KCNIP4: variants seen among roughly 807,000 people sequenced by gnomAD.
KCNIP4 encodes Kv channel-interacting protein 4.
In KCNIP4, 12 loss-of-function variants were observed where a neutral mutation model predicts 34.0. The ratio of observed to expected loss-of-function variants is 0.35; its 90% CI spans 0.23 to 0.57. The LOEUF (loss-of-function observed/expected upper bound fraction) is 0.57. KCNIP4 is among the 20% of genes least tolerant of loss of function. KCNIP4 has a pLI of 0.83. For synonymous variants in KCNIP4, 124 were observed against 102.2 expected (o/e 1.21, Z -1.29); for missense variants, 238 against 311.7 (o/e 0.76, Z 1.78).
intron 1 of KCNIP4, among the ~76,000 whole-genome samples, chr4:21,244,592 C>T (rs1004613011): frequency 6.6e-6 from 1 of 152,038 alleles, no homozygotes. Context: ...AAATGTCTTC[C>T]CAGTTGAATT....
intron 1 of KCNIP4, among the ~76,000 whole-genome samples, chr4:21,310,791 G>A (rs566973426): frequency 3.3e-5 from 5 of 151,886 alleles, no homozygotes; most frequent in Admixed American, 2.0e-4. Flanking sequence ...GCACGACGTC[G>A]GCTAATTTTT....
chr4:21,215,486 C>T (rs150812280), intron 1 of KCNIP4, among the ~76,000 whole-genome samples: 270 of 152,304 alleles, frequency 1.8e-3, no homozygotes, highest in African/African-American at 6.3e-3. Context: ...GCAAACATCA[C>T]TTTCTCAGAA....
At chr4:21,917,610 C>T (rs956958754) in intron 1 of KCNIP4, among the ~76,000 whole-genome samples, 1 of 149,666 alleles carries the variant, frequency 6.7e-6, no homozygotes, top group South Asian at 2.2e-4. Context: ...AAACCCTGGA[C>T]TGTCTAATCC....
At chr4:21,928,622 A>G (rs895741970) in intron 1 of KCNIP4, among the ~76,000 whole-genome samples, 2 of 152,128 alleles carry the variant, frequency 1.3e-5, no homozygotes, top group Non-Finnish European at 2.9e-5. Context: ...ATAAAGCCCA[A>G]ATGAAGAGAG....
intron 1 of KCNIP4, among the ~76,000 whole-genome samples, chr4:21,262,933 G>C (rs549782827): frequency 6.6e-5 from 10 of 152,190 alleles, no homozygotes; most frequent in Non-Finnish European, 1.0e-4. Context: ...CTAGCACACT[G>C]TTTGGACATA....
At chr4:21,824,286 C>A (rs1244046190) in intron 1 of KCNIP4, among the ~76,000 whole-genome samples, 3 of 152,230 alleles carry the variant, frequency 2.0e-5, no homozygotes, top group Admixed American at 2.0e-4. Context: ...TGCCTGGGGA[C>A]CAGACTGCCT....
intron 1 of KCNIP4, among the ~76,000 whole-genome samples, chr4:21,090,034 T>C (rs1577673308): frequency 6.6e-6 from 1 of 152,172 alleles, no homozygotes; most frequent in Non-Finnish European, 1.5e-5. Context: ...CTTTTCATTT[T>C]ATAGTGTTCA....
chr4:21,252,900 C>T (rs1287619403), intron 1 of KCNIP4, among the ~76,000 whole-genome samples: 1 of 152,062 alleles, frequency 6.6e-6, no homozygotes, highest in East Asian at 1.9e-4. Context: ...GAGCACATCA[C>T]ACTTAACCTC....
intron 1 of KCNIP4, among the ~76,000 whole-genome samples, chr4:21,789,727 T>C (rs944962466): frequency 2.6e-5 from 4 of 151,934 alleles, no homozygotes; most frequent in Non-Finnish European, 1.5e-5. Flanking sequence ...GTGTAGATTA[T>C]TGTTTTTGTG....
chr4:21,141,909 T>C (rs1359087340), intron 1 of KCNIP4, among the ~76,000 whole-genome samples: 1 of 151,124 alleles, frequency 6.6e-6, no homozygotes, highest in African/African-American at 2.4e-5. Flanking sequence ...CCCAGCACTT[T>C]GGGAGGCCGA....
rs540092784 is a variant in KCNIP4 at position 21,246,388 on chromosome 4, C to T, written c.62-363679G>A. Among the ~76,000 whole-genome samples the T allele has an allele frequency of 3.3e-4, 50 of 152,268 alleles. No individual in the cohort carries two copies. In the South Asian group the frequency reaches 9.8e-3, roughly 30 times the overall value. ...AGACCCACAAAACCTTCAAACACTT[C>T]GAAGCTTAAGCTGATTTTGTCAACT... On this transcript the variant is annotated intron_variant, in intron 1 of 8. Transcript: ENST00000382152.
intron 1 of KCNIP4, among the ~76,000 whole-genome samples, chr4:21,532,748 G>A (rs897976487): frequency 1.3e-5 from 2 of 152,002 alleles, no homozygotes; most frequent in African/African-American, 4.8e-5. Flanking sequence ...TTTTCCCAGT[G>A]GCTGATGGGC....
At chr4:20,787,660 AC>A (rs1443080385) in intron 3 of KCNIP4, among the ~76,000 whole-genome samples, 1 of 152,102 alleles carries the variant, frequency 6.6e-6, no homozygotes, top group Non-Finnish European at 1.5e-5. Flanking sequence ...TCAATCAATA[AC>A]CATTGTTCAC....
intron 1 of KCNIP4, among the ~76,000 whole-genome samples, chr4:21,258,569 T>A (rs1761235638): frequency 6.6e-6 from 1 of 152,186 alleles, no homozygotes; most frequent in African/African-American, 2.4e-5. Flanking sequence ...ATAATTGATA[T>A]AGTGTGCTCT....
chr4:21,637,819 AT>A (rs1746326325), intron 1 of KCNIP4, among the ~76,000 whole-genome samples: 1 of 150,666 alleles, frequency 6.6e-6, no homozygotes, highest in Non-Finnish European at 1.5e-5. Context: ...AGAAAACAAA[AT>A]TTTGGAGTTG....
At chr4:20,948,537 A>G (rs1732439351) in intron 1 of KCNIP4, among the ~76,000 whole-genome samples, 1 of 152,168 alleles carries the variant, frequency 6.6e-6, no homozygotes, top group Admixed American at 6.5e-5. Context: ...CTCCTGCAGC[A>G]TGCTGGCTGC....
intron 1 of KCNIP4, among the ~76,000 whole-genome samples, chr4:21,348,312 A>T (rs1366731471): frequency 6.6e-6 from 1 of 152,188 alleles, no homozygotes; most frequent in Non-Finnish European, 1.5e-5. Flanking sequence ...TTTCCAAGTT[A>T]AGTTATCAAA....
At chr4:21,364,611 T>C (rs1185710447) in intron 1 of KCNIP4, among the ~76,000 whole-genome samples, 1 of 152,122 alleles carries the variant, frequency 6.6e-6, no homozygotes, top group Non-Finnish European at 1.5e-5. Flanking sequence ...GCACTTATTT[T>C]AATGATACGA....
intron 1 of KCNIP4, among the ~76,000 whole-genome samples, chr4:21,907,280 C>G (rs1248204226): frequency 6.6e-6 from 1 of 152,076 alleles, no homozygotes; most frequent in African/African-American, 2.4e-5. Context: ...GAGTGGGTTG[C>G]TATAAAGCAA....
Sources: gnomAD v4.1 joint callset for allele counts (sites outside exome capture counted in the v4.1 genomes callset) on GRCh38, gnomAD v4.1.1 for gene constraint, MANE v1.5 for transcripts, NCBI Gene and HGNC (gene_info 2026-07-23, HGNC 2026-07-21) for gene names.